Variants in CRISP1 observed in about 807,000 individuals in gnomAD.
CRISP1 encodes the protein cysteine-rich secretory protein 1.
CRISP1 carries 44 observed loss-of-function variants against 33.1 expected under a neutral mutation model. The observed-to-expected ratio is 1.33, with a 90% confidence interval of 1.05 to 1.71. The LOEUF is 1.71. Among genes scored for constraint, CRISP1 ranks in the 40% most tolerant of loss-of-function variants. The probability of loss-of-function intolerance (pLI) is 0.00; values close to 1 mark genes in which losing one functional copy is unlikely to be tolerated. For synonymous variants in CRISP1, 103 were observed against 98.7 expected, an observed-to-expected ratio of 1.04 and a Z score of -0.26; for missense variants, 390 against 301.2, an observed-to-expected ratio of 1.29 and a Z score of -2.18.
At chr6:49,872,366 T>C (rs1771945156) in intron 1 of CRISP1, among the ~76,000 whole-genome samples, 1 of 152,132 alleles carries the variant, frequency 6.6e-6, no homozygotes, top group African/African-American at 2.4e-5. Flanking sequence ...TTCATTCTGA[T>C]GGTAGTTTCT....
intron 6 of CRISP1, among the ~76,000 whole-genome samples, chr6:49,839,195 G>A (rs934140491): frequency 1.4e-5 from 2 of 141,048 alleles, no homozygotes; most frequent in Non-Finnish European, 3.0e-5. Flanking sequence ...AGCACTTTGA[G>A]AGGGCAAAGT....
At chr6:49,868,880 CA>C (rs2127479106), upstream of CRISP1, among the ~76,000 whole-genome samples, 1 of 152,246 alleles carries the variant, frequency 6.6e-6, no homozygotes, top group East Asian at 1.9e-4. Flanking sequence ...TTATGTTGCA[CA>C]TAAAATAAAG....
At chr6:49,868,495 C>T (rs1045568538), upstream of CRISP1, among the ~76,000 whole-genome samples, 1 of 152,036 alleles carries the variant, frequency 6.6e-6, no homozygotes, top group African/African-American at 2.4e-5. Flanking sequence ...TTAAAAGAAA[C>T]TTTAAATCAA....
intron 2 of CRISP1, among the ~76,000 whole-genome samples, chr6:49,856,443 G>T (rs925728559): frequency 6.6e-6 from 1 of 152,120 alleles, no homozygotes; most frequent in African/African-American, 2.4e-5. Flanking sequence ...TCTAATTCAG[G>T]ACGCTAATTC....
intron 3 of CRISP1, among the ~76,000 whole-genome samples, chr6:49,851,133 C>CATT: frequency 6.6e-6 from 1 of 152,218 alleles, no homozygotes; most frequent in South Asian, 2.1e-4. Context: ...AGTTCAAATA[C>CATT]CCCTTTGGAT....
In CRISP1 at chr6:49,842,527, T is replaced by G. The variant is rs151175283; in HGVS notation, c.436-1532A>C. Among the ~76,000 whole-genome samples, 696 of 152,294 alleles carry G rather than the reference T, an allele frequency of 4.6e-3. 6 individuals carry two copies. Among genetic ancestry groups the G allele is most frequent in the African/African-American group, 0.016 (657 of 41,558 alleles). The stretch of plus-strand genomic sequence containing the variant: ...TTACAAAATTTTTCTATGAACATAC[T>G]AATGTATTTATACAAGGCTACAGAA... On this transcript the variant is annotated intron_variant, in intron 5 of 7. Coordinates refer to ENST00000335847, the MANE Select transcript of CRISP1 (RefSeq NM_001131.3).
chr6:49,867,070 T>C (rs1484722283), upstream of CRISP1, among the ~76,000 whole-genome samples: 3 of 152,236 alleles, frequency 2.0e-5, no homozygotes, highest in African/African-American at 7.2e-5. Context: ...AGAATTCTAA[T>C]AGAGATTTGT....
intron 2 of CRISP1, among the ~76,000 whole-genome samples, chr6:49,855,061 G>C (rs184348661): frequency 6.6e-6 from 1 of 152,150 alleles, no homozygotes; most frequent in Non-Finnish European, 1.5e-5. Flanking sequence ...TGACTCTTTT[G>C]ACTAAACTTT....
At chr6:49,854,140 A>C (rs1351917375) in intron 2 of CRISP1, among the ~76,000 whole-genome samples, 1 of 152,120 alleles carries the variant, frequency 6.6e-6, no homozygotes, top group Non-Finnish European at 1.5e-5. Flanking sequence ...TGTCTCACCC[A>C]GTCTGTCAAT....
chr6:49,844,380 G>A (rs1771090110), intron 5 of CRISP1, among the ~76,000 whole-genome samples: 1 of 152,140 alleles, frequency 6.6e-6, no homozygotes, highest in Non-Finnish European at 1.5e-5. Flanking sequence ...CTTCAAACAT[G>A]CTTTATCTTT....
intron 5 of CRISP1, among the ~76,000 whole-genome samples, chr6:49,844,648 G>T (rs1771101438): frequency 6.6e-6 from 1 of 152,204 alleles, no homozygotes; most frequent in Admixed American, 6.5e-5. Flanking sequence ...GGGTGATGCT[G>T]CCTCCAAGTT....
rs540633174 is a variant in CRISP1 at position 49,846,215 on chromosome 6, T to C, written c.435+305A>G. ...GTTAGAAATCAGGGGTTTCTCTGTA[T>C]TGTAAGGTACCATTATTTTCACTTT... On this transcript the variant is annotated intron_variant, in intron 5 of 7. Coordinates refer to ENST00000335847, the MANE Select transcript of CRISP1 (RefSeq NM_001131.3). 3.5e-3 allele frequency among the ~76,000 whole-genome samples: 529 copies of C among 152,274 alleles called. 1 individual carries two copies. The highest frequency in any genetic ancestry group is 5.3e-3 in the Non-Finnish European group (361 of 68,018).
intron 1 of CRISP1, among the ~76,000 whole-genome samples, chr6:49,864,046 G>A (rs1182531289): frequency 6.6e-6 from 1 of 152,104 alleles, no homozygotes; most frequent in Non-Finnish European, 1.5e-5. Context: ...AAGGTCACTT[G>A]CACCCCTTTC....
At chr6:49,873,402 T>C (rs2127480160) in intron 1 of CRISP1, among the ~76,000 whole-genome samples, 1 of 152,162 alleles carries the variant, frequency 6.6e-6, no homozygotes, top group East Asian at 1.9e-4. Context: ...ATATTATGAA[T>C]CAATATTTAA....
chr6:49,861,261 G>T (rs2127476927), intron 1 of CRISP1, among the ~76,000 whole-genome samples: 1 of 152,174 alleles, frequency 6.6e-6, no homozygotes. Context: ...CCATTACTCT[G>T]ATACCAAAAC....
intron 1 of CRISP1, among the ~76,000 whole-genome samples, chr6:49,864,557 C>T (rs1771750164): frequency 6.6e-6 from 1 of 151,976 alleles, no homozygotes; most frequent in Non-Finnish European, 1.5e-5. Flanking sequence ...GCTTCATACC[C>T]TCACCTATTA....
intron 5 of CRISP1, among the ~76,000 whole-genome samples, chr6:49,845,707 C>CA (rs111269611): frequency 0.79 from 115,589 of 145,444 alleles, 45,824 homozygotes; most frequent in East Asian, 0.87. Context: ...TCACAATAGC[C>CA]AAAAAAAAAA....
In CRISP1 at chr6:49,837,616, T is replaced by C. The variant is rs185256366; in HGVS notation, c.622+821A>G. 1.9e-3 allele frequency among the ~76,000 whole-genome samples: 292 copies of C among 152,232 alleles called. 1 individual carries two copies. Among genetic ancestry groups the C allele is most frequent in the African/African-American group, 6.8e-3 (283 of 41,556 alleles). On this transcript the variant is annotated intron_variant, in intron 7 of 7. Coordinates refer to ENST00000335847, the MANE Select transcript of CRISP1 (RefSeq NM_001131.3). The stretch of plus-strand genomic sequence containing the variant: ...AGAAAGGTAAAAGGAGGAAGAAGAA[T>C]CCATTTTCTTTCTTACTTTAAAAGA...
chr6:49,871,299 G>T (rs1182375261), upstream of CRISP1, among the ~76,000 whole-genome samples: 1 of 152,056 alleles, frequency 6.6e-6, no homozygotes, highest in African/African-American at 2.4e-5. Context: ...TGGAACAGAG[G>T]TTACATTGTA....
Sources: allele counts gnomAD v4.1 joint callset (sites outside exome capture counted in the v4.1 genomes callset), GRCh38; gene constraint gnomAD v4.1.1; transcripts MANE v1.5; gene names NCBI Gene and HGNC (gene_info 2026-07-23, HGNC 2026-07-21).